MCTP1: variants seen among roughly 807,000 people sequenced by gnomAD.
The protein encoded by MCTP1 is multiple C2 and transmembrane domain-containing protein 1.
Under a neutral mutation model 120.6 loss-of-function variants are expected in MCTP1, and 69 were observed. The observed-to-expected ratio is 0.57, with a 90% confidence interval of 0.47 to 0.70. The LOEUF (loss-of-function observed/expected upper bound fraction) is 0.70. MCTP1 is among the 30% of genes least tolerant of loss of function. The pLI, the probability that MCTP1 is intolerant of heterozygous loss-of-function variation, is 0.00. For synonymous variants in MCTP1, 529 were observed against 493.1 expected, an observed-to-expected ratio of 1.07 and a Z score of -0.96; for missense variants, 1,203 against 1,248.8, an observed-to-expected ratio of 0.96 and a Z score of 0.55.
intron 17 of MCTP1, among the ~76,000 whole-genome samples, chr5:94,830,352 T>A (rs1450908754): frequency 6.6e-6 from 1 of 152,234 alleles, no homozygotes; most frequent in Non-Finnish European, 1.5e-5. Context: ...TCCAAAAATA[T>A]TAAAAGTAGC....
At chr5:94,989,390 T>C (rs1831077469) in intron 2 of MCTP1, among the ~76,000 whole-genome samples, 1 of 152,250 alleles carries the variant, frequency 6.6e-6, no homozygotes, top group Non-Finnish European at 1.5e-5. Context: ...ATTTATTGTC[T>C]CACAGTTTCT....
intron 2 of MCTP1, among the ~76,000 whole-genome samples, chr5:94,962,432 T>A (rs1290999331): frequency 1.3e-5 from 2 of 149,960 alleles, no homozygotes; most frequent in African/African-American, 4.9e-5. Flanking sequence ...AAGAAATTGA[T>A]ATATATATAT....
intron 19 of MCTP1, among the ~76,000 whole-genome samples, chr5:94,732,248 T>G (rs557134701): frequency 4.6e-5 from 7 of 152,342 alleles, no homozygotes; most frequent in African/African-American, 1.7e-4. Flanking sequence ...ATCCATGGCC[T>G]GCATGCAGCC....
In MCTP1 at chr5:95,221,139, C is replaced by A. The variant is rs575715913; in HGVS notation, c.720+62717G>T. ...ATGCCAGCCAGAATTGTTTTCATTT[C>A]TTTGAAACAAACTAACATGCCAATG... On this transcript the variant is annotated intron_variant, in intron 1 of 22. Transcript: ENST00000515393. Among the ~76,000 whole-genome samples the A allele has an allele frequency of 1.1e-3, 169 of 152,270 alleles. 1 individual carries two copies. Among genetic ancestry groups the A allele is most frequent in the Non-Finnish European group, 2.0e-3 (139 of 68,014 alleles).
intron 1 of MCTP1, among the ~76,000 whole-genome samples, chr5:95,270,931 C>CA (rs10655109): frequency 4.1e-5 from 6 of 145,568 alleles, no homozygotes; most frequent in Admixed American, 6.8e-5. Context: ...CTCTCTCTCT[C>CA]AAAAAAAAAA....
intron 1 of MCTP1, among the ~76,000 whole-genome samples, chr5:95,256,558 T>A (rs116710738): frequency 6.6e-6 from 1 of 152,222 alleles, no homozygotes; most frequent in African/African-American, 2.4e-5. Context: ...AATAGTGACG[T>A]CCTGCTGTTG....
intron 2 of MCTP1, among the ~76,000 whole-genome samples, chr5:94,973,668 G>A (rs903694123): frequency 2.4e-4 from 36 of 152,198 alleles, no homozygotes; most frequent in African/African-American, 8.4e-4. Context: ...CACTTATTCA[G>A]AAGCCTAAAA....
At chr5:95,169,685 T>G (rs985077938) in intron 1 of MCTP1, among the ~76,000 whole-genome samples, 1 of 152,070 alleles carries the variant, frequency 6.6e-6, no homozygotes, top group Non-Finnish European at 1.5e-5. Flanking sequence ...ATTTGAGTAG[T>G]GGTGTTTATA....
intron 1 of MCTP1, among the ~76,000 whole-genome samples, chr5:95,110,081 A>C (rs552126882): frequency 1.2e-4 from 18 of 152,256 alleles, no homozygotes; most frequent in Admixed American, 2.0e-4. Flanking sequence ...TATTTTCCCC[A>C]AAACAACACA....
intron 2 of MCTP1, among the ~76,000 whole-genome samples, chr5:94,987,232 C>T (rs1218464308): frequency 6.6e-6 from 1 of 152,074 alleles, no homozygotes; most frequent in Non-Finnish European, 1.5e-5. Context: ...AGTAAGTCTT[C>T]ATAATAATTT....
chr5:95,104,597 C>A (rs564434919), intron 1 of MCTP1, among the ~76,000 whole-genome samples: 13 of 152,214 alleles, frequency 8.5e-5, no homozygotes, highest in African/African-American at 2.6e-4. Context: ...TGCCAGGGAC[C>A]CTTGCCTATG....
rs115865577 is a variant in MCTP1 at position 94,785,327 on chromosome 5, T to C, written c.2557-6164A>G. ...CTGTCTCCATCTAAAGGCTTTACAA[T>C]GTATTGGGTTTTTCACTTGCAGGAA... On this transcript the variant is annotated intron_variant, in intron 18 of 22. Transcript: ENST00000515393. Among the ~76,000 whole-genome samples, 938 of 152,256 alleles carry C rather than the reference T, an allele frequency of 6.2e-3. 9 individuals are homozygous for C. Among genetic ancestry groups the C allele is most frequent in the African/African-American group, 0.021 (853 of 41,574 alleles).
At chr5:95,165,141 G>T (rs1335521591) in intron 1 of MCTP1, among the ~76,000 whole-genome samples, 2 of 152,118 alleles carry the variant, frequency 1.3e-5, no homozygotes, top group African/African-American at 4.8e-5. Flanking sequence ...ACTTCCCAGA[G>T]ACACCTCTAA....
At chr5:95,084,713 C>T (rs1445971119) in intron 1 of MCTP1, among the ~76,000 whole-genome samples, 1 of 152,120 alleles carries the variant, frequency 6.6e-6, no homozygotes, top group Non-Finnish European at 1.5e-5. Flanking sequence ...CTCATTGAAA[C>T]ATTTCAGGCT....
At position 95,266,270 on chromosome 5, in the gene MCTP1, A is replaced by G. The variant is rs531390510; in HGVS notation, c.720+17586T>C. 7.9e-5 allele frequency among the ~76,000 whole-genome samples: 12 copies of G among 152,352 alleles called. No homozygotes were observed. In the East Asian group the frequency reaches 2.3e-3, roughly 29 times the overall value. ...TAACTTTTATAATGCTAATGGAGCC[A>G]TCTAATTTTCATAAGAATTGTTACT... On this transcript the variant is annotated intron_variant, in intron 1 of 22. Transcript: ENST00000515393.
intron 19 of MCTP1, among the ~76,000 whole-genome samples, chr5:94,731,465 T>C (rs1349765165): frequency 6.6e-6 from 1 of 152,236 alleles, no homozygotes; most frequent in Non-Finnish European, 1.5e-5. Context: ...TATTATTTGT[T>C]ACTGTAATTA....
intron 19 of MCTP1, among the ~76,000 whole-genome samples, chr5:94,722,663 C>A (rs929752927): frequency 6.6e-6 from 1 of 152,066 alleles, no homozygotes; most frequent in African/African-American, 2.4e-5. Flanking sequence ...TCCCAAAGAG[C>A]TAATTAATCT....
At position 94,868,321 on chromosome 5, in the gene MCTP1, G is replaced by A. The variant is rs1399347260; in HGVS notation, c.2436+12C>T. Reference sequence around the variant, plus strand: ...AATGAATAACAATGTAAGTAATACAGTATGATCATACCACAAAAGCAGCGA... The same window carrying A: ...AATGAATAACAATGTAAGTAATACAATATGATCATACCACAAAAGCAGCGA... On this transcript the variant is annotated intron_variant, in intron 17 of 22. Transcript: ENST00000515393. 2 of 1,589,306 alleles carry A rather than the reference G, an allele frequency of 1.3e-6. No individual in the cohort carries two copies. The highest frequency in any genetic ancestry group is 4.6e-5 in the East Asian group (2 of 43,956).
intron 1 of MCTP1, among the ~76,000 whole-genome samples, chr5:95,152,106 A>T (rs550357104): frequency 3.3e-5 from 5 of 152,390 alleles, no homozygotes; most frequent in African/African-American, 1.2e-4. Context: ...GTCATTTAAT[A>T]CAGTCAAAAT....
Sources: gnomAD v4.1 joint callset for allele counts (sites outside exome capture counted in the v4.1 genomes callset) on GRCh38, gnomAD v4.1.1 for gene constraint, MANE v1.5 for transcripts, NCBI Gene and HGNC (gene_info 2026-07-23, HGNC 2026-07-21) for gene names.